Variants in PISD observed in about 807,000 individuals in gnomAD.
The protein encoded by PISD is phosphatidylserine decarboxylase.
In PISD, 31 loss-of-function variants were observed where a neutral mutation model predicts 43.5. The observed-to-expected ratio is 0.71, with a 90% confidence interval of 0.54 to 0.96. The LOEUF (loss-of-function observed/expected upper bound fraction) is 0.96. Ranked by LOEUF, PISD falls within the 40% of genes least tolerant of loss-of-function variation. The pLI, the probability that PISD is intolerant of heterozygous loss-of-function variation, is 0.00. For synonymous variants in PISD, 259 were observed against 228.7 expected (o/e 1.13, Z -1.20); for missense variants, 523 against 548.4 (o/e 0.95, Z 0.46).
intron 3 of PISD, chr22:31,626,148 C>G: frequency 1.2e-6 from 1 of 848,734 alleles, no homozygotes; most frequent in Non-Finnish European, 1.6e-6. Flanking sequence ...TCCCTGCTAC[C>G]CAGGGCTGAG....
intron 3 of PISD, among the ~76,000 whole-genome samples, chr22:31,637,277 C>G (rs1259396845): frequency 7.0e-6 from 1 of 142,516 alleles, no homozygotes; most frequent in Admixed American, 7.1e-5. Context: ...GTGGGAGGAT[C>G]GCTTGAGCCT....
chr22:31,647,943 A>C (rs565895875), intron 3 of PISD, among the ~76,000 whole-genome samples, 158 bp downstream of exon 3: 1 of 152,218 alleles, frequency 6.6e-6, no homozygotes, highest in Non-Finnish European at 1.5e-5. Context: ...ACTTGACACC[A>C]AAGTTATAAC....
intron 3 of PISD, among the ~76,000 whole-genome samples, chr22:31,647,295 T>G (rs1168864700): frequency 6.6e-6 from 1 of 152,096 alleles, no homozygotes; most frequent in Non-Finnish European, 1.5e-5. Flanking sequence ...CGGAGCATGG[T>G]TGAGACTTGC....
In PISD at chr22:31,619,295, T is replaced by A; in HGVS notation, c.*317A>T. On this transcript the variant is annotated 3_prime_UTR_variant, in exon 8 of 8. Coordinates refer to ENST00000439502, the MANE Select transcript of PISD (RefSeq NM_001326411.2). ...AACGACAACCGAGACCAACTGAAGG[T>A]TCGGTCAGGAATGCAGGCTCTTCCG... is the stretch of plus-strand genomic sequence containing the variant. 2.0e-5 allele frequency: 6 copies of A among 302,098 alleles called. No individual in the cohort carries two copies. The highest frequency in any genetic ancestry group is 3.2e-5 in the Non-Finnish European group (5 of 155,394). The allele number at this position is 302,098 out of a possible 1,614,324, so 18.7% of individuals were successfully genotyped here.
At chr22:31,656,649 AAAAT>A (rs59608474) in intron 1 of PISD, among the ~76,000 whole-genome samples, 1,677 of 149,234 alleles carry the variant, frequency 0.011, 10 homozygotes, top group Middle Eastern at 0.027. Context: ...CTGCGTCTCA[AAAAT>A]AAATAAATAA....
chr22:31,629,361 G>A, intron 3 of PISD: 1 of 235,618 alleles, frequency 4.2e-6, no homozygotes, highest in Non-Finnish European at 6.8e-6. Flanking sequence ...GTGAGGGTGT[G>A]TGTAGGGGGT....
chr22:31,635,732 C>T (rs555736822), intron 3 of PISD, among the ~76,000 whole-genome samples: 4 of 152,308 alleles, frequency 2.6e-5, no homozygotes, highest in South Asian at 2.1e-4. Flanking sequence ...CCGCCCTCTG[C>T]GATCTCCTCC....
At chr22:31,629,258 AGT>A (rs1215197493) in intron 3 of PISD, 1 of 983,080 alleles carries the variant, frequency 1.0e-6, no homozygotes, top group Non-Finnish European at 1.2e-6. Context: ...TGTAGGTGGA[AGT>A]GTGTGTGCAT....
At chr22:31,643,830 C>T (rs746097403) in intron 3 of PISD, among the ~76,000 whole-genome samples, 3 of 152,140 alleles carry the variant, frequency 2.0e-5, no homozygotes, top group Admixed American at 6.5e-5. Context: ...AGGCAGATCA[C>T]GAAGTCAGGA....
intron 3 of PISD, chr22:31,623,950 C>T: frequency 1.7e-6 from 2 of 1,144,376 alleles, no homozygotes; most frequent in Non-Finnish European, 2.5e-6. Flanking sequence ...CTCCTGTCTA[C>T]CCACCCTTGG....
Position 31,624,660 on chromosome 22 carries a change from C to G in PISD, c.322-2775G>C, listed in dbSNP as rs868605766. The stretch of plus-strand genomic sequence containing the variant: ...TGCTGGGGCTGCACAGACAGACACA[C>G]ACACACACACACACACACACCCATC... On this transcript the variant is annotated intron_variant, in intron 3 of 7. Coordinates refer to ENST00000439502, the MANE Select transcript of PISD (RefSeq NM_001326411.2). Among the ~76,000 whole-genome samples, 135 of 150,228 alleles carry G rather than the reference C, an allele frequency of 9.0e-4. No homozygotes were observed. In the Middle Eastern group the frequency reaches 0.01, roughly 11 times the overall value.
At chr22:31,621,199 C>T in intron 5 of PISD, 57 bp from the exon 6 acceptor site, 1 of 1,612,966 alleles carries the variant, frequency 6.2e-7, no homozygotes, top group Non-Finnish European at 8.5e-7. Flanking sequence ...CAGCACGGAG[C>T]CCGAGTGTGG....
upstream of PISD, chr22:31,662,382 T>G (rs1601475252): frequency 3.1e-6 from 2 of 641,574 alleles, no homozygotes. Context: ...CCTGCGGAGG[T>G]AGGGGAACTA....
At chr22:31,652,415 G>A (rs1447673723) in intron 1 of PISD, among the ~76,000 whole-genome samples, 3 of 151,998 alleles carry the variant, frequency 2.0e-5, no homozygotes, top group Non-Finnish European at 4.4e-5. Context: ...ACAGATGTGA[G>A]CCACAGCACT....
Position 31,650,756 on chromosome 22 carries a change from C to A in PISD, c.88G>T (p.Ala30Ser), listed in dbSNP as rs762291142. 7.7e-6 allele frequency: 12 copies of A among 1,554,380 alleles called. No homozygotes were observed. In the South Asian group the frequency reaches 1.3e-4, roughly 17 times the overall value. ...AAGGGCTGTAGGGATTGGCTCAGGG[C>A]AGTGATCTCACAGGGATGGAGGCTA... ...RSSLHPCEIT[A>S]LSQSLQPLRK... is the part of the protein sequence containing the mutation. Residue 30 changes from alanine (A) to serine (S), a missense_variant, in exon 2 of 8, where the codon GCC (alanine) becomes TCC (serine). Ala to Ser is a moderately conservative substitution (Grantham distance 99). Transcript: ENST00000439502.
rs891095771 is a variant in PISD, at chr22:31,640,991, G to A, written c.321+7110C>T. 3.5e-5 allele frequency among the ~76,000 whole-genome samples: 5 copies of A among 141,634 alleles called. No homozygotes were observed. The East Asian group carries it at 6.5e-4, about 18-fold the overall frequency. 92.9% of individuals were successfully genotyped at this position (141,634 alleles called of 152,430 possible). ...CAACCTCCACCTCCTGGGTTCAAGCGATTCTCCTGCCTCAGCCTCCCAAGT... is the reference window on the plus strand; with the variant it reads ...CAACCTCCACCTCCTGGGTTCAAGCAATTCTCCTGCCTCAGCCTCCCAAGT... On this transcript the variant is annotated intron_variant, in intron 3 of 7. Transcript: ENST00000439502.
At chr22:31,645,597 C>T (rs1458545590) in intron 3 of PISD, among the ~76,000 whole-genome samples, 3 of 144,064 alleles carry the variant, frequency 2.1e-5, no homozygotes, top group Non-Finnish European at 3.1e-5. Context: ...AGGCTTGTCT[C>T]GAACTCCTGA....
In PISD at chr22:31,628,833, C is replaced by A. The variant is rs926603780; in HGVS notation, c.322-6948G>T. Reference sequence around the variant, plus strand: ...CCTAGGAGCGCGACGCAGCCTCAGACCTGGCTTCCAACACCTCACCTCTCT... The same window carrying A: ...CCTAGGAGCGCGACGCAGCCTCAGAACTGGCTTCCAACACCTCACCTCTCT... On this transcript the variant is annotated intron_variant, in intron 3 of 7. Transcript: ENST00000439502. 4.1e-6 allele frequency: 4 copies of A among 985,424 alleles called. No individual in the cohort carries two copies. The Admixed American group carries it at 2.5e-4, about 61-fold the overall frequency. 61.0% of individuals were successfully genotyped at this position (985,424 alleles called of 1,614,324 possible).
In PISD at chr22:31,634,879, CT is replaced by C. The variant is rs1268338724; in HGVS notation, c.322-12995del. On this transcript the variant is annotated intron_variant, in intron 3 of 7. Coordinates refer to ENST00000439502, the MANE Select transcript of PISD (RefSeq NM_001326411.2). ...AATAGAAAAAGAAAAAGAAAAAGTG[CT>C]TTTAGGCCTGGCACGGTGACTCATG... 2.0e-5 allele frequency among the ~76,000 whole-genome samples: 3 copies of C among 149,416 alleles called. No individual in the cohort carries two copies. In the East Asian group the frequency reaches 5.9e-4, roughly 29 times the overall value.
Sources: allele counts gnomAD v4.1 joint callset (sites outside exome capture counted in the v4.1 genomes callset), GRCh38; gene constraint gnomAD v4.1.1; transcripts MANE v1.5; gene names NCBI Gene and HGNC (gene_info 2026-07-23, HGNC 2026-07-21).